Variants in ERC1 observed in about 807,000 individuals in gnomAD.
ERC1 encodes ELKS/RAB6-interacting/CAST family member 1, also known as RAB6 interacting protein 2.
In ERC1, 56 loss-of-function variants were observed where a neutral mutation model predicts 132.0. The ratio of observed to expected loss-of-function variants is 0.42; its 90% CI spans 0.34 to 0.53. The LOEUF (loss-of-function observed/expected upper bound fraction) is 0.53. ERC1 is among the 20% of genes least tolerant of loss of function. The pLI is 0.03. For synonymous variants in ERC1, 478 were observed against 476.1 expected (o/e 1.00, Z -0.05); for missense variants, 1,202 against 1,349.9 (o/e 0.89, Z 1.72).
At chr12:1,226,345 A>G (rs374967380) in intron 12 of ERC1, among the ~76,000 whole-genome samples, 72 of 152,358 alleles carry the variant, frequency 4.7e-4, no homozygotes, top group African/African-American at 1.4e-3. Flanking sequence ...GATCTGATAC[A>G]TGTATACATT....
At chr12:1,478,864 C>T (rs10848478) in intron 18 of ERC1, among the ~76,000 whole-genome samples, 67,615 of 151,664 alleles carry the variant, frequency 0.45, 17,460 homozygotes, top group African/African-American at 0.72. Context: ...AATTTTTTCT[C>T]TTTGTGATTA....
chr12:1,483,668 C>CTTTTTTTTTTTTTTTTTTTTT (rs35596394), intron 18 of ERC1, among the ~76,000 whole-genome samples: 1 of 55,218 alleles, frequency 1.8e-5, no homozygotes, highest in African/African-American at 5.6e-5. Context: ...CCACTGAGAG[C>CTTTTTTTTTTTTTTTTTTTTT]TTTTTTTTTT....
chr12:1,097,170 A>G (rs1329485628), intron 3 of ERC1, among the ~76,000 whole-genome samples: 2 of 151,798 alleles, frequency 1.3e-5, no homozygotes, highest in East Asian at 1.9e-4. Context: ...TGTAATATCC[A>G]TGTTTATTTC....
chr12:1,332,363 ATTAT>A (rs1346722583), intron 15 of ERC1, among the ~76,000 whole-genome samples: 1 of 152,180 alleles, frequency 6.6e-6, no homozygotes, highest in African/African-American at 2.4e-5. Context: ...TACTTCCTGA[ATTAT>A]TTGTGTTTCC....
intron 12 of ERC1, among the ~76,000 whole-genome samples, chr12:1,226,019 T>C (rs2074547700): frequency 6.6e-6 from 1 of 152,234 alleles, no homozygotes; most frequent in Admixed American, 6.5e-5. Context: ...GTTAATATAA[T>C]TGATATCAGA....
chr12:1,054,342 C>T (rs1479667882), intron 2 of ERC1, among the ~76,000 whole-genome samples: 2 of 152,142 alleles, frequency 1.3e-5, no homozygotes, highest in Non-Finnish European at 2.9e-5. Flanking sequence ...TATCACAGAG[C>T]AATTGCCCTT....
At position 1,154,656 on chromosome 12, in the gene ERC1, G is replaced by A. The variant is rs1016147199; in HGVS notation, c.1737+12869G>A. On this transcript the variant is annotated intron_variant, in intron 8 of 18. Transcript: ENST00000360905. ...ACCTACAGAATGGGAGAAAATATTT[G>A]CATCATATTCAACAAAATATTAATA... 5.3e-5 allele frequency among the ~76,000 whole-genome samples: 8 copies of A among 151,854 alleles called. No homozygotes were observed. The East Asian group carries it at 1.5e-3, about 29-fold the overall frequency.
intron 14 of ERC1, among the ~76,000 whole-genome samples, chr12:1,272,592 G>A (rs564240665): frequency 2.6e-5 from 4 of 152,266 alleles, no homozygotes; most frequent in African/African-American, 9.6e-5. Context: ...GTCTGTCTTA[G>A]ATCAATACAG....
At chr12:1,317,320 C>T (rs563972178) in intron 15 of ERC1, among the ~76,000 whole-genome samples, 82 of 152,138 alleles carry the variant, frequency 5.4e-4, no homozygotes, top group African/African-American at 1.8e-3. Context: ...AACCAAACAC[C>T]GCATGTTCTC....
At chr12:1,078,731 T>C (rs1226517996) in intron 2 of ERC1, among the ~76,000 whole-genome samples, 1 of 152,126 alleles carries the variant, frequency 6.6e-6, no homozygotes, top group East Asian at 1.9e-4. Flanking sequence ...GAAAAAATGT[T>C]CAATAACAAA....
At chr12:1,468,141 ATACT>A (rs901143052) in intron 18 of ERC1, among the ~76,000 whole-genome samples, 145 of 152,332 alleles carry the variant, frequency 9.5e-4, no homozygotes, top group African/African-American at 3.4e-3. Context: ...GAACCAAAAA[ATACT>A]TACTTCTAAA....
At chr12:1,306,720 TG>T (rs2080909851) in intron 15 of ERC1, among the ~76,000 whole-genome samples, 1 of 152,090 alleles carries the variant, frequency 6.6e-6, no homozygotes, top group Admixed American at 6.6e-5. Flanking sequence ...ATCAGAAAGT[TG>T]GGTTTTTTTT....
chr12:1,326,848 C>A (rs1452665746), intron 15 of ERC1, among the ~76,000 whole-genome samples: 1 of 151,434 alleles, frequency 6.6e-6, no homozygotes, highest in Non-Finnish European at 1.5e-5. Flanking sequence ...TAGTGTGTGA[C>A]GTAGTCACAT....
intron 1 of ERC1, among the ~76,000 whole-genome samples, chr12:1,002,970 G>A (rs906875404): frequency 2.0e-4 from 28 of 142,924 alleles, no homozygotes; most frequent in African/African-American, 7.6e-4. Flanking sequence ...TCTTAAGGAG[G>A]CCAGGCACCG....
At chr12:1,417,242 C>T (rs79867567) in intron 17 of ERC1, among the ~76,000 whole-genome samples, 2,692 of 152,268 alleles carry the variant, frequency 0.018, 58 homozygotes, top group African/African-American at 0.06. Flanking sequence ...CTTTACACCT[C>T]ATCCTTCTGT....
At chr12:1,486,160 T>C (rs1009979596) in intron 18 of ERC1, among the ~76,000 whole-genome samples, 2 of 152,234 alleles carry the variant, frequency 1.3e-5, no homozygotes, top group African/African-American at 2.4e-5. Context: ...CTTTAAAATA[T>C]TTTCTTGACT....
intron 15 of ERC1, among the ~76,000 whole-genome samples, chr12:1,335,208 A>T (rs553523586): frequency 6.6e-6 from 1 of 152,188 alleles, no homozygotes; most frequent in East Asian, 1.9e-4. Flanking sequence ...TCCCATTTGG[A>T]TACCCTTTAT....
intron 1 of ERC1, among the ~76,000 whole-genome samples, chr12:1,025,832 C>G (rs1966857347): frequency 7.1e-6 from 1 of 140,044 alleles, no homozygotes; most frequent in African/African-American, 2.7e-5. Flanking sequence ...GAGTCTCGCT[C>G]TTGTCACCCA....
intron 17 of ERC1, among the ~76,000 whole-genome samples, chr12:1,415,974 C>T (rs1330876003): frequency 6.6e-6 from 1 of 152,170 alleles, no homozygotes; most frequent in Non-Finnish European, 1.5e-5. Context: ...AAATAATTTT[C>T]CAAGATTACA....
Sources: gnomAD v4.1 joint callset for allele counts (sites outside exome capture counted in the v4.1 genomes callset) on GRCh38, gnomAD v4.1.1 for gene constraint, MANE v1.5 for transcripts, NCBI Gene and HGNC (gene_info 2026-07-23, HGNC 2026-07-21) for gene names.